The following CLVS1 variants were observed in gnomAD, a reference collection of about 807,000 sequenced individuals.
The protein encoded by CLVS1 is clavesin 1.
CLVS1 carries 10 observed loss-of-function variants against 33.1 expected under a neutral mutation model. The ratio of observed to expected loss-of-function variants is 0.30; its 90% CI spans 0.19 to 0.51. CLVS1 has a LOEUF of 0.51. Among genes scored for constraint, CLVS1 ranks in the 20% least tolerant of loss-of-function variants. The pLI is 0.97. For synonymous variants in CLVS1, 163 were observed against 166.1 expected, an observed-to-expected ratio of 0.98 and a Z score of 0.14; for missense variants, 343 against 433.4, an observed-to-expected ratio of 0.79 and a Z score of 1.85.
At chr8:60,976,864 G>A in the CLVS1 span, among the ~76,000 whole-genome samples, 1 of 152,254 alleles carries the variant, frequency 6.6e-6, no homozygotes, top group Admixed American at 6.5e-5. Context: ...AAAAATTGGG[G>A]TTGTGTGTTT....
chr8:61,330,697 T>C lies in CLVS1; in HGVS notation c.455+30415T>C, dbSNP rs574262904. ...TTCTTCATCTTTTTCGGAATCCCTT[T>C]TGATTTGTTTCTCCTCTGTGTTGTC... On this transcript the variant is annotated intron_variant, in intron 2 of 5. Transcript: ENST00000325897. Among the ~76,000 whole-genome samples the C allele has an allele frequency of 2.6e-5, 4 of 152,304 alleles. No homozygotes were observed. In the East Asian group the frequency reaches 7.7e-4, roughly 29 times the overall value.
At chr8:61,257,533 G>A (rs1484927264) in intron 2 of CLVS1, among the ~76,000 whole-genome samples, 4 of 152,260 alleles carry the variant, frequency 2.6e-5, no homozygotes, top group East Asian at 1.9e-4. Context: ...TTTTAAAGAC[G>A]GAGTGGTAAG....
rs151032555 is a variant in CLVS1 at position 61,146,604 on chromosome 8, T to A, written c.-152+14744T>A. ...GTAGCATGGTGAAATAAAATAATAT[T>A]CATATTAGAAAAACTGTTCCTGATG... On this transcript the variant is annotated intron_variant, in intron 2 of 2. Coordinates refer to the CLVS1 transcript ENST00000522621. Among the ~76,000 whole-genome samples the A allele has an allele frequency of 2.8e-4, 42 of 152,302 alleles. 3 individuals are homozygous for A. In the East Asian group the frequency reaches 7.9e-3, roughly 29 times the overall value.
chr8:61,415,189 G>A (rs556298666), intron 3 of CLVS1, among the ~76,000 whole-genome samples: 7 of 152,290 alleles, frequency 4.6e-5, no homozygotes, highest in South Asian at 4.1e-4. Flanking sequence ...CACAGGCTTC[G>A]TTACTTCACA....
intron 2 of CLVS1, among the ~76,000 whole-genome samples, chr8:61,242,294 T>C (rs552100213): frequency 1.8e-4 from 27 of 152,308 alleles, no homozygotes; most frequent in Non-Finnish European, 3.8e-4. Context: ...TGGTAGATTT[T>C]AAAAATTACT....
intron 2 of CLVS1, among the ~76,000 whole-genome samples, chr8:61,186,584 AG>A (rs1472557885): frequency 6.6e-6 from 1 of 151,824 alleles, no homozygotes; most frequent in African/African-American, 2.4e-5. Context: ...TGGTTTTGCT[AG>A]GTGGAAAGTA....
At chr8:61,268,235 C>G (rs1403356463) in intron 2 of CLVS1, among the ~76,000 whole-genome samples, 1 of 141,070 alleles carries the variant, frequency 7.1e-6, no homozygotes, top group Non-Finnish European at 1.5e-5. Flanking sequence ...TCTCATTGTT[C>G]AATTCCCACC....
At chr8:61,015,358 T>C in the CLVS1 span, among the ~76,000 whole-genome samples, 1 of 152,284 alleles carries the variant, frequency 6.6e-6, no homozygotes, top group African/African-American at 2.4e-5. Flanking sequence ...AATTGAAGAG[T>C]TGAGCTGAAG....
intron 2 of CLVS1, among the ~76,000 whole-genome samples, chr8:61,329,916 C>T (rs1228387085): frequency 6.6e-6 from 1 of 152,096 alleles, no homozygotes; most frequent in African/African-American, 2.4e-5. Context: ...GACAAGGGCC[C>T]CTTGTCCTTG....
At chr8:61,482,750 C>T (rs1164777423) in intron 5 of CLVS1, among the ~76,000 whole-genome samples, 1 of 152,124 alleles carries the variant, frequency 6.6e-6, no homozygotes, top group African/African-American at 2.4e-5. Context: ...TCTCTCAGAC[C>T]ACAGTGCAAT....
intron 1 of CLVS1, among the ~76,000 whole-genome samples, chr8:61,295,426 A>G (rs902589897): frequency 6.6e-6 from 1 of 152,222 alleles, no homozygotes; most frequent in African/African-American, 2.4e-5. Flanking sequence ...AGGCAGAGAC[A>G]GCTAGATTTT....
At chr8:61,040,706 G>A in the CLVS1 span, among the ~76,000 whole-genome samples, 1 of 152,124 alleles carries the variant, frequency 6.6e-6, no homozygotes, top group African/African-American at 2.4e-5. Flanking sequence ...GTTGTTTTGA[G>A]TTCCACACAG....
chr8:61,461,238 T>C (rs1202226731), intron 5 of CLVS1, among the ~76,000 whole-genome samples: 1 of 152,230 alleles, frequency 6.6e-6, no homozygotes, highest in Admixed American at 6.5e-5. Context: ...CTAAAATGAG[T>C]TATCCAATTG....
chr8:61,253,934 T>TC (rs1412928728), intron 2 of CLVS1, among the ~76,000 whole-genome samples: 2 of 152,224 alleles, frequency 1.3e-5, no homozygotes, highest in Admixed American at 6.5e-5. Flanking sequence ...AAAGTCATTC[T>TC]CCATCCAGCT....
chr8:61,397,743 T>C (rs113748611), intron 3 of CLVS1, among the ~76,000 whole-genome samples: 3,152 of 152,334 alleles, frequency 0.021, 90 homozygotes, highest in African/African-American at 0.071. Flanking sequence ...TCTCCCATCA[T>C]CATTTTTTGA....
chr8:61,499,614 A>G lies in CLVS1; in HGVS notation c.*72A>G, dbSNP rs1804490225. ...CAGCCACCCAGGAAGCACATGCACA[A>G]CTGACCCATGCAGACACGTGTGTTC... On this transcript the variant is annotated 3_prime_UTR_variant, in exon 6 of 6. Coordinates refer to ENST00000325897, the MANE Select transcript of CLVS1 (RefSeq NM_173519.3). 6 of 1,092,452 alleles carry G rather than the reference A, an allele frequency of 5.5e-6. No individual in the cohort carries two copies. The South Asian group carries it at 6.3e-5, about 11-fold the overall frequency. 67.7% of individuals were successfully genotyped at this position (1,092,452 alleles called of 1,614,324 possible). A position where few individuals can be genotyped will look rare whatever the true frequency, so the allele number is the denominator to read the frequency against.
chr8:61,183,200 A>G (rs1014437165), intron 2 of CLVS1, among the ~76,000 whole-genome samples: 3 of 152,048 alleles, frequency 2.0e-5, no homozygotes, highest in African/African-American at 7.3e-5. Context: ...ACAAATAGCT[A>G]ATGCATGAGG....
At chr8:61,268,534 T>C (rs1465723173) in intron 2 of CLVS1, among the ~76,000 whole-genome samples, 4 of 148,442 alleles carry the variant, frequency 2.7e-5, no homozygotes, top group Admixed American at 6.7e-5. Flanking sequence ...ATATACCCAG[T>C]AATGGGATGG....
intron 1 of CLVS1, chr8:61,057,294 T>G (rs1196729599): frequency 6.6e-6 from 1 of 152,106 alleles, no homozygotes; most frequent in East Asian, 1.9e-4. Context: ...TGTATTTTCT[T>G]GATTCATAAA....
Sources: allele counts gnomAD v4.1 joint callset (sites outside exome capture counted in the v4.1 genomes callset), GRCh38; gene constraint gnomAD v4.1.1; transcripts MANE v1.5; gene names NCBI Gene and HGNC (gene_info 2026-07-23, HGNC 2026-07-21).